The following TFEC variants were observed in gnomAD, a reference collection of about 807,000 sequenced individuals.
The protein encoded by TFEC is class E basic helix-loop-helix protein 34.
A neutral mutation model predicts 41.6 loss-of-function variants in TFEC; 31 were observed. The ratio of observed to expected loss-of-function variants is 0.74; its 90% CI spans 0.56 to 1.01. TFEC has a LOEUF of 1.01. Ranked by LOEUF, TFEC falls within the 50% of genes least tolerant of loss-of-function variation. TFEC has a pLI of 0.00. For missense variants in TFEC, 402 were observed against 404.1 expected (o/e 0.99, Z 0.04); for synonymous variants, 143 against 140.6 (o/e 1.02, Z -0.12).
rs1324670729 is a variant in TFEC at position 115,984,248 on chromosome 7, G to A, written c.180+14C>T. The A allele has an allele frequency of 6.2e-7, 1 of 1,607,730 alleles. No homozygotes were observed. Among genetic ancestry groups the A allele is most frequent in the African/African-American group, 1.3e-5 (1 of 74,804 alleles). ...AACTGATGATATATTTTTATAACCA[G>A]CCATTAGACATACATGCCATTGTGC... On this transcript the variant is annotated intron_variant, in intron 2 of 7. Coordinates refer to ENST00000265440, the MANE Select transcript of TFEC (RefSeq NM_012252.4).
intron 3 of TFEC, among the ~76,000 whole-genome samples, chr7:115,959,422 C>T (rs116843770): frequency 0.011 from 1,725 of 151,794 alleles, 10 homozygotes; most frequent in Non-Finnish European, 0.013. Flanking sequence ...CACATCTCCA[C>T]GCTGAAGTCA....
intron 3 of TFEC, among the ~76,000 whole-genome samples, chr7:116,106,202 T>C (rs1350481632): frequency 6.6e-6 from 1 of 152,150 alleles, no homozygotes; most frequent in African/African-American, 2.4e-5. Context: ...TTTCACTCTT[T>C]AAAATAAATT....
rs114834507 is a variant in TFEC, at chr7:115,953,470, G to C, written c.439+1116C>G. On this transcript the variant is annotated intron_variant, in intron 5 of 7. Coordinates refer to ENST00000265440, the MANE Select transcript of TFEC (RefSeq NM_012252.4). ...GTGTATCTAGATTAAGAAACACTTC[G>C]ATAATGGATATACAGGACACCATGT... 6.1e-3 allele frequency among the ~76,000 whole-genome samples: 935 copies of C among 152,088 alleles called. 7 individuals carry two copies. The highest frequency in any genetic ancestry group is 0.021 in the African/African-American group (879 of 41,520).
intron 3 of TFEC, among the ~76,000 whole-genome samples, chr7:116,089,114 A>G (rs115419286): frequency 7.0e-4 from 107 of 152,250 alleles, no homozygotes; most frequent in African/African-American, 2.4e-3. Context: ...AATCTATAGC[A>G]ACTAGAAGTA....
chr7:116,093,949 A>AT (rs1044283799), intron 3 of TFEC, among the ~76,000 whole-genome samples: 5 of 152,126 alleles, frequency 3.3e-5, no homozygotes, highest in Admixed American at 6.6e-5. Context: ...GGTTTTGGTG[A>AT]TTTTCCTTCA....
At chr7:115,997,076 CT>C (rs763899850) in intron 1 of TFEC, among the ~76,000 whole-genome samples, 2 of 152,112 alleles carry the variant, frequency 1.3e-5, no homozygotes, top group Non-Finnish European at 2.9e-5. Flanking sequence ...GCATTAGGCC[CT>C]TGAGAGAAAC....
intron 3 of TFEC, among the ~76,000 whole-genome samples, chr7:116,050,242 T>A (rs1241570960): frequency 6.6e-6 from 1 of 151,964 alleles, no homozygotes; most frequent in East Asian, 1.9e-4. Flanking sequence ...CTAGCAAGAC[T>A]AATAAAGAAG....
intron 3 of TFEC, among the ~76,000 whole-genome samples, chr7:115,971,752 G>A (rs1257492534): frequency 6.6e-6 from 1 of 151,946 alleles, no homozygotes; most frequent in Non-Finnish European, 1.5e-5. Flanking sequence ...AAAAAACTAG[G>A]TTAGCAAGAA....
intron 3 of TFEC, among the ~76,000 whole-genome samples, chr7:116,090,156 A>C (rs1470579581): frequency 6.6e-6 from 1 of 152,192 alleles, no homozygotes; most frequent in Non-Finnish European, 1.5e-5. Flanking sequence ...AATTGAAAGT[A>C]CTTCTGATTG....
chr7:116,131,023 C>T (rs903922394), intron 1 of TFEC, among the ~76,000 whole-genome samples: 4 of 152,182 alleles, frequency 2.6e-5, no homozygotes. Context: ...TATGGATGAA[C>T]TTTCCTTTTA....
At chr7:116,143,628 C>CT (rs1798584691) in intron 1 of TFEC, among the ~76,000 whole-genome samples, 1 of 152,142 alleles carries the variant, frequency 6.6e-6, no homozygotes, top group Admixed American at 6.5e-5. Context: ...CACATCACCC[C>CT]TTGCTGTGTA....
intron 3 of TFEC, among the ~76,000 whole-genome samples, chr7:115,962,392 G>C (rs1402866413): frequency 1.3e-5 from 2 of 151,736 alleles, no homozygotes; most frequent in Non-Finnish European, 2.9e-5. Flanking sequence ...AAACAATCTT[G>C]TGAAAGAACA....
chr7:116,142,490 G>A (rs1337745013), intron 1 of TFEC, among the ~76,000 whole-genome samples: 3 of 152,094 alleles, frequency 2.0e-5, no homozygotes, highest in African/African-American at 7.2e-5. Flanking sequence ...GTGCAGCAGA[G>A]GTAGACACCT....
chr7:116,013,362 A>G (rs529484290), intron 1 of TFEC, among the ~76,000 whole-genome samples: 2 of 152,236 alleles, frequency 1.3e-5, no homozygotes, highest in Admixed American at 1.3e-4. Context: ...CTAAACAACA[A>G]TGTTCTTTGG....
At chr7:116,102,112 T>C (rs1415233968) in intron 3 of TFEC, among the ~76,000 whole-genome samples, 1 of 152,224 alleles carries the variant, frequency 6.6e-6, no homozygotes, top group Non-Finnish European at 1.5e-5. Flanking sequence ...AAGTTTCTCA[T>C]GGAAAATATA....
At chr7:116,104,236 C>CT (rs1277227425) in intron 3 of TFEC, among the ~76,000 whole-genome samples, 1 of 152,092 alleles carries the variant, frequency 6.6e-6, no homozygotes, top group Non-Finnish European at 1.5e-5. Flanking sequence ...CTTGAGGACT[C>CT]TAAGAGAACA....
At chr7:115,996,843 C>T (rs1410207877) in intron 1 of TFEC, among the ~76,000 whole-genome samples, 1 of 152,000 alleles carries the variant, frequency 6.6e-6, no homozygotes, top group Non-Finnish European at 1.5e-5. Context: ...TGGGAGAGTC[C>T]GTAGCTTGTG....
upstream of TFEC, chr7:116,030,924 C>G: frequency 1.4e-6 from 1 of 702,366 alleles, no homozygotes; most frequent in Non-Finnish European, 1.7e-6. Context: ...AAATATGCCA[C>G]TAATTTGAGA....
intron 3 of TFEC, among the ~76,000 whole-genome samples, chr7:116,046,062 A>G (rs2130936517): frequency 6.6e-6 from 1 of 152,320 alleles, no homozygotes. Flanking sequence ...TCTAGGAAGA[A>G]CTAGCTTGCT....
Sources: allele counts gnomAD v4.1 joint callset (sites outside exome capture counted in the v4.1 genomes callset), GRCh38; gene constraint gnomAD v4.1.1; transcripts MANE v1.5; gene names NCBI Gene and HGNC (gene_info 2026-07-23, HGNC 2026-07-21).